ARHGAP18: variants seen among roughly 807,000 people sequenced by gnomAD.
ARHGAP18 encodes the protein rho GTPase-activating protein 18.
ARHGAP18 carries 67 observed loss-of-function variants against 86.2 expected under a neutral mutation model. The ratio of observed to expected loss-of-function variants is 0.78; its 90% confidence interval spans 0.64 to 0.95. The LOEUF is 0.95. Ranked by LOEUF, ARHGAP18 falls within the 40% of genes least tolerant of loss-of-function variation. The pLI is 0.00. For missense variants in ARHGAP18, 691 were observed against 780.4 expected (o/e 0.89, Z 1.37); for synonymous variants, 283 against 280.4 (o/e 1.01, Z -0.09).
intron 7 of ARHGAP18, 38 bp from the exon 8 acceptor site, chr6:129,611,648 T>C (rs906605265): frequency 6.4e-7 from 1 of 1,562,346 alleles, no homozygotes; most frequent in Non-Finnish European, 8.8e-7. Flanking sequence ...TTTCCGTATT[T>C]GTAACAGGTA....
chr6:129,700,843 A>C (rs1418382698), intron 1 of ARHGAP18, among the ~76,000 whole-genome samples: 1 of 152,210 alleles, frequency 6.6e-6, no homozygotes, highest in Non-Finnish European at 1.5e-5. Context: ...TGAAAGAAGC[A>C]GGACTTCAAC....
In ARHGAP18 at chr6:129,620,027, C is replaced by T. The variant is rs115318104; in HGVS notation, c.787-1175G>A. On this transcript the variant is annotated intron_variant, in intron 5 of 14. Transcript: ENST00000368149. ...CAGAGGGCTATTGTGAGATTTAGTG[C>T]CCAGCACTGCCCAAGTGCTTTTATG... Among the ~76,000 whole-genome samples, 628 of 152,168 alleles carry T rather than the reference C, an allele frequency of 4.1e-3. 6 individuals carry two copies. The highest frequency in any genetic ancestry group is 0.015 in the African/African-American group (606 of 41,470).
chr6:129,640,042 C>CAAAAAAAAAAA (rs374771260), intron 2 of ARHGAP18, among the ~76,000 whole-genome samples: 30 of 72,834 alleles, frequency 4.1e-4, no homozygotes, highest in Non-Finnish European at 5.5e-4. Flanking sequence ...GAGACTGTCT[C>CAAAAAAAAAAA]AAAAAAAAAA....
intron 1 of ARHGAP18, among the ~76,000 whole-genome samples, chr6:129,673,857 A>T (rs1030679429): frequency 6.6e-6 from 1 of 152,190 alleles, no homozygotes; most frequent in African/African-American, 2.4e-5. Context: ...GGAAGTAGAT[A>T]TATTATCTCA....
At chr6:129,664,744 A>T (rs1437457707) in intron 1 of ARHGAP18, among the ~76,000 whole-genome samples, 1 of 152,234 alleles carries the variant, frequency 6.6e-6, no homozygotes, top group African/African-American at 2.4e-5. Flanking sequence ...GTCTGATGAA[A>T]CTTACACATT....
intron 13 of ARHGAP18, among the ~76,000 whole-genome samples, chr6:129,582,379 T>A (rs898003252): frequency 1.3e-5 from 2 of 152,162 alleles, no homozygotes; most frequent in African/African-American, 4.8e-5. Context: ...AAGTACAGAC[T>A]AAATTGAGCA....
chr6:129,630,151 C>G (rs984494517), intron 4 of ARHGAP18, among the ~76,000 whole-genome samples: 1 of 152,264 alleles, frequency 6.6e-6, no homozygotes, highest in Non-Finnish European at 1.5e-5. Context: ...ATAAAAGTTC[C>G]TACAACTGTA....
intron 1 of ARHGAP18, among the ~76,000 whole-genome samples, chr6:129,672,938 A>T (rs1210506264): frequency 3.3e-5 from 5 of 152,172 alleles, no homozygotes; most frequent in Non-Finnish European, 7.4e-5. Flanking sequence ...AAGTCATTTT[A>T]TTTTACAGAT....
At chr6:129,626,449 T>C (rs987609530) in intron 5 of ARHGAP18, among the ~76,000 whole-genome samples, 1 of 151,950 alleles carries the variant, frequency 6.6e-6, no homozygotes, top group East Asian at 1.9e-4. Context: ...GTTTTTCGAC[T>C]TTACTATTGG....
chr6:129,653,169 C>CA (rs1773753280), intron 1 of ARHGAP18, among the ~76,000 whole-genome samples: 1 of 152,138 alleles, frequency 6.6e-6, no homozygotes, highest in Non-Finnish European at 1.5e-5. Flanking sequence ...ATAAAACCAA[C>CA]ATTCCACCAG....
chr6:129,624,438 G>A (rs1311146118), intron 5 of ARHGAP18, among the ~76,000 whole-genome samples: 17 of 152,082 alleles, frequency 1.1e-4, no homozygotes, highest in Admixed American at 1.0e-3. Flanking sequence ...GCTGAGGCAG[G>A]AGACTCACTT....
intron 1 of ARHGAP18, among the ~76,000 whole-genome samples, chr6:129,666,913 A>G (rs1224354664): frequency 1.3e-5 from 2 of 152,194 alleles, no homozygotes; most frequent in African/African-American, 2.4e-5. Context: ...TTGATGCTTA[A>G]TAGCACTTCC....
chr6:129,607,171 T>C (rs1788871633), intron 9 of ARHGAP18, among the ~76,000 whole-genome samples: 2 of 152,160 alleles, frequency 1.3e-5, no homozygotes, highest in South Asian at 4.1e-4. Flanking sequence ...TTCATTCTTA[T>C]AAGTGTCCCT....
At chr6:129,615,063 C>G (rs1369722702) in intron 7 of ARHGAP18, among the ~76,000 whole-genome samples, 1 of 152,176 alleles carries the variant, frequency 6.6e-6, no homozygotes, top group East Asian at 1.9e-4. Context: ...ATCTCTTCCT[C>G]TCACTCTAAA....
chr6:129,598,630 A>G (rs73776317), intron 12 of ARHGAP18, among the ~76,000 whole-genome samples: 2,205 of 152,314 alleles, frequency 0.014, 55 homozygotes, highest in African/African-American at 0.051. Context: ...TAGTTTATAA[A>G]TACAGATATT....
At chr6:129,672,088 C>T (rs1207881394) in intron 1 of ARHGAP18, among the ~76,000 whole-genome samples, 2 of 152,032 alleles carry the variant, frequency 1.3e-5, no homozygotes, top group Admixed American at 6.6e-5. Flanking sequence ...ACCACCCACA[C>T]GTACACGCGC....
intron 1 of ARHGAP18, among the ~76,000 whole-genome samples, chr6:129,642,314 T>TTGC (rs1562707252): frequency 6.6e-6 from 1 of 152,220 alleles, no homozygotes; most frequent in African/African-American, 2.4e-5. Flanking sequence ...CGACAAGGTC[T>TTGC]TGCTCTGTTG....
In ARHGAP18 at chr6:129,614,748, A is replaced by ATT. The variant is rs10556070; in HGVS notation, c.1044+1462_1044+1463dup. On this transcript the variant is annotated intron_variant, in intron 7 of 14. Coordinates refer to ENST00000368149, the MANE Select transcript of ARHGAP18 (RefSeq NM_033515.3). ...AGCAGTCTACATGTTGCAGTGACAG[A>ATT]TTTTTTTTTTTTTTTTTTTTTGGTT... Among the ~76,000 whole-genome samples the ATT allele has an allele frequency of 1.8e-3, 231 of 131,548 alleles. 2 individuals are homozygous for ATT. The highest frequency in any genetic ancestry group is 4.0e-3 in the Middle Eastern group (1 of 250). The allele number at this position is 131,548 out of a possible 152,430, so 86.3% of individuals were successfully genotyped here.
At chr6:129,669,426 C>T (rs1046627643) in intron 1 of ARHGAP18, among the ~76,000 whole-genome samples, 1 of 151,426 alleles carries the variant, frequency 6.6e-6, no homozygotes. Flanking sequence ...CCCACCTCGG[C>T]TTCCCAAAGT....
Sources: gnomAD v4.1 joint callset for allele counts (sites outside exome capture counted in the v4.1 genomes callset) on GRCh38, gnomAD v4.1.1 for gene constraint, MANE v1.5 for transcripts, NCBI Gene and HGNC (gene_info 2026-07-23, HGNC 2026-07-21) for gene names.